The following SYT17 variants were observed in gnomAD, a reference collection of about 807,000 sequenced individuals.
SYT17 encodes synaptotagmin 17.
In SYT17, 22 loss-of-function variants were observed where a neutral mutation model predicts 46.7. The ratio of observed to expected loss-of-function variants is 0.47; its 90% CI spans 0.34 to 0.67. The LOEUF (loss-of-function observed/expected upper bound fraction) is 0.67. Ranked by LOEUF, SYT17 falls within the 30% of genes least tolerant of loss-of-function variation. The pLI is 0.01. For synonymous variants in SYT17, 251 were observed against 248.4 expected, an observed-to-expected ratio of 1.01 and a Z score of -0.10; for missense variants, 519 against 612.8, an observed-to-expected ratio of 0.85 and a Z score of 1.62.
At chr16:19,189,839 T>C (rs999143305) in intron 5 of SYT17, among the ~76,000 whole-genome samples, 2 of 152,196 alleles carry the variant, frequency 1.3e-5, no homozygotes, top group African/African-American at 4.8e-5. Context: ...TACTTTCTTC[T>C]TGGAAAACCC....
At chr16:19,236,697 A>T (rs1459349726) in intron 7 of SYT17, among the ~76,000 whole-genome samples, 1 of 152,098 alleles carries the variant, frequency 6.6e-6, no homozygotes. Flanking sequence ...AAACTCTGAG[A>T]CTCTAGTCAT....
chr16:19,176,654 AGGG>A (rs147016300), intron 3 of SYT17, among the ~76,000 whole-genome samples: 13,346 of 152,122 alleles, frequency 0.088, 602 homozygotes, highest in Admixed American at 0.1. Flanking sequence ...TTGTGACTAG[AGGG>A]GAGGAAATTG....
intron 7 of SYT17, among the ~76,000 whole-genome samples, chr16:19,257,577 A>G (rs1257554135): frequency 2.0e-5 from 3 of 152,148 alleles, no homozygotes; most frequent in Admixed American, 1.3e-4. Flanking sequence ...AGGCCTGTGT[A>G]GACTGCGTTA....
chr16:19,211,544 A>G (rs1596959237), intron 5 of SYT17: 1 of 693,872 alleles, frequency 1.4e-6, no homozygotes, highest in East Asian at 2.7e-5. Context: ...GTTAATGGGA[A>G]GCTTAGATGA....
chr16:19,249,904 T>TC, intron 7 of SYT17: 1 of 1,533,472 alleles, frequency 6.5e-7, no homozygotes, highest in Non-Finnish European at 8.7e-7. Flanking sequence ...CACTCCCTTG[T>TC]CCCCAGCAGA....
At chr16:19,198,614 G>A (rs1009641381) in intron 5 of SYT17, among the ~76,000 whole-genome samples, 1 of 152,190 alleles carries the variant, frequency 6.6e-6, no homozygotes, top group Non-Finnish European at 1.5e-5. Context: ...AGGCCATGAA[G>A]TTAGTGAATG....
At position 19,243,492 on chromosome 16, in the gene SYT17, A is replaced by G. The variant is rs115173208; in HGVS notation, c.1228+18654A>G. On this transcript the variant is annotated intron_variant, in intron 7 of 7. Coordinates refer to ENST00000355377, the MANE Select transcript of SYT17 (RefSeq NM_016524.4). The stretch of plus-strand genomic sequence containing the variant: ...TTGCCTTCTTGGTGACCTCTCTGCT[A>G]AGGAGAAGCCAGGACACTTAAGATA... Among the ~76,000 whole-genome samples the G allele has an allele frequency of 9.9e-3, 1,512 of 152,206 alleles. 32 individuals carry two copies. Among genetic ancestry groups the G allele is most frequent in the African/African-American group, 0.035 (1,453 of 41,520 alleles).
chr16:19,197,936 T>C (rs1230855628), intron 5 of SYT17, among the ~76,000 whole-genome samples: 2 of 152,180 alleles, frequency 1.3e-5, no homozygotes, highest in African/African-American at 4.8e-5. Context: ...AGGGAGGCGA[T>C]CTCATGATAG....
At chr16:19,191,770 CTTTTGTTTTG>C (rs371039622) in intron 5 of SYT17, among the ~76,000 whole-genome samples, 7 of 152,022 alleles carry the variant, frequency 4.6e-5, no homozygotes, top group African/African-American at 9.6e-5. Flanking sequence ...CTGTACAGTT[CTTTTGTTTTG>C]TTTTGTTTTG....
intron 7 of SYT17, among the ~76,000 whole-genome samples, chr16:19,252,179 A>T (rs1968128156): frequency 8.3e-6 from 1 of 120,408 alleles, no homozygotes. Context: ...CAAAACAAAA[A>T]AACCATGTTT....
In SYT17 at chr16:19,184,001, G is replaced by C; in HGVS notation, c.805G>C (p.Ala269Pro). 1 of 1,614,096 alleles carries C rather than the reference G, an allele frequency of 6.2e-7. No individual in the cohort carries two copies. Among genetic ancestry groups the C allele is most frequent in the Non-Finnish European group, 8.5e-7 (1 of 1,180,028 alleles). ...CACCTTCGAGATCCCCTTCCTGGAGGCCCAGAGGAGGACCCTGCTCCTGAC... is the reference window on the plus strand; with the variant it reads ...CACCTTCGAGATCCCCTTCCTGGAGCCCCAGAGGAGGACCCTGCTCCTGAC... ...RYTFEIPFLE[A>P]QRRTLLLTVV... Residue 269 changes from alanine (A) to proline (P), a missense_variant, in exon 5 of 8, where the codon GCC becomes CCC. By Grantham distance (27) the Ala-to-Pro change is conservative. Coordinates refer to ENST00000355377, the MANE Select transcript of SYT17 (RefSeq NM_016524.4).
At chr16:19,266,850 C>T in intron 7 of SYT17, 30 bp from the exon 8 acceptor site, 1 of 1,598,760 alleles carries the variant, frequency 6.3e-7, no homozygotes, top group South Asian at 1.1e-5. Context: ...CTCTTGCCTC[C>T]CTCCTGCCCT....
At chr16:19,171,192 G>C (rs1964068512) in intron 1 of SYT17, 1 of 152,738 alleles carries the variant, frequency 6.5e-6, no homozygotes, top group Non-Finnish European at 1.5e-5. Context: ...GCTTTAGAGA[G>C]TTTGTGATAA....
intron 7 of SYT17, among the ~76,000 whole-genome samples, chr16:19,253,749 C>T (rs918450915): frequency 2.6e-5 from 4 of 152,042 alleles, no homozygotes; most frequent in Admixed American, 6.6e-5. Context: ...CTTCTTGAGA[C>T]GGAGTTTCAC....
chr16:19,178,718 TG>T (rs531261101), intron 3 of SYT17, among the ~76,000 whole-genome samples: 3 of 152,212 alleles, frequency 2.0e-5, no homozygotes, highest in South Asian at 2.1e-4. Flanking sequence ...AATGTCAAGT[TG>T]GGGGGTATGC....
At chr16:19,185,461 A>C (rs1964747363) in intron 5 of SYT17, among the ~76,000 whole-genome samples, 1 of 152,186 alleles carries the variant, frequency 6.6e-6, no homozygotes, top group Non-Finnish European at 1.5e-5. Flanking sequence ...ATGGTAGTGC[A>C]CATCTGTAAT....
Position 19,267,104 on chromosome 16 carries a change from GTT to G in SYT17, c.*30_*31del. On this transcript the variant is annotated 3_prime_UTR_variant, in exon 8 of 8. Coordinates refer to ENST00000355377, the MANE Select transcript of SYT17 (RefSeq NM_016524.4). ...GCTGCAGGGAAGGCAGCTTTCATTTGTTTAAAAAAAAAAAAAAAAGACGGAAA... is the reference window on the plus strand; with the variant it reads ...GCTGCAGGGAAGGCAGCTTTCATTTGTAAAAAAAAAAAAAAAAGACGGAAA... 4 of 858,402 alleles carry G rather than the reference GTT, an allele frequency of 4.7e-6. No homozygotes were observed. Among genetic ancestry groups the G allele is most frequent in the Non-Finnish European group, 5.8e-6 (4 of 686,828 alleles). The allele number at this position is 858,402 out of a possible 1,614,324, so 53.2% of individuals were successfully genotyped here. A position where few individuals can be genotyped will look rare whatever the true frequency, so the allele number is the denominator to read the frequency against.
At chr16:19,265,552 T>C (rs1157184592) in intron 7 of SYT17, among the ~76,000 whole-genome samples, 1 of 152,248 alleles carries the variant, frequency 6.6e-6, no homozygotes, top group East Asian at 1.9e-4. Context: ...CTCATTAGCA[T>C]TCAAGCTCTG....
Position 19,180,426 on chromosome 16 carries a change from C to T in SYT17, c.218C>T (p.Ser73Phe), listed in dbSNP as rs758056623. ...CGGAGCAGTGACAAGGATGGTGACT[C>T]TGTCCACACGGCCAGCGAAGTCCCG... is the stretch of plus-strand genomic sequence containing the variant. Reference protein sequence around the residue: ...ASRSSDKDGDSVHTASEVPLT... With the variant: ...ASRSSDKDGDFVHTASEVPLT... The change falls in exon 4 of 8, where the codon TCT (serine) becomes TTT (phenylalanine). Residue 73 changes from serine to phenylalanine, a missense_variant. Coordinates refer to ENST00000355377, the MANE Select transcript of SYT17 (RefSeq NM_016524.4). 3.7e-6 allele frequency: 6 copies of T among 1,614,244 alleles called. No homozygotes were observed. Among genetic ancestry groups the T allele is most frequent in the Non-Finnish European group, 5.1e-6 (6 of 1,180,040 alleles).
Sources: allele counts gnomAD v4.1 joint callset (sites outside exome capture counted in the v4.1 genomes callset), GRCh38; gene constraint gnomAD v4.1.1; transcripts MANE v1.5; gene names NCBI Gene and HGNC (gene_info 2026-07-23, HGNC 2026-07-21).